Variants in SAMD11 observed in about 807,000 individuals in gnomAD.
SAMD11 encodes the protein sterile alpha motif domain-containing protein 11.
Under a neutral mutation model 64.4 loss-of-function variants are expected in SAMD11, and 77 were observed. The ratio of observed to expected loss-of-function variants is 1.20; its 90% CI spans 0.99 to 1.44. The LOEUF (loss-of-function observed/expected upper bound fraction) is 1.44, where lower values mean the gene tolerates loss of function less well. Among genes scored for constraint, SAMD11 ranks in the 40% most tolerant of loss-of-function variants. The pLI is 0.00. For synonymous variants in SAMD11, 658 were observed against 421.9 expected (o/e 1.56, Z -6.86); for missense variants, 1,402 against 943.3 (o/e 1.49, Z -6.37).
Position 935,897 on chromosome 1 carries a change from G to T in SAMD11, c.967+1G>T. 10 of 1,612,606 alleles carry T rather than the reference G, an allele frequency of 6.2e-6. No homozygotes were observed. The highest frequency in any genetic ancestry group is 7.6e-6 in the Non-Finnish European group (9 of 1,179,638). ...CTGGAGATTGGCCTGCGACCCGCCG[G>T]TGAGGAGCACAGGGGGCCTGAGGGC... is the stretch of plus-strand genomic sequence containing the variant. On this transcript the variant is annotated splice_donor_variant, in intron 5 of 13. Transcript: ENST00000616016. LOFTEE classifies it high-confidence loss of function.
At chr1:943,399 T>C (rs1641932470) in intron 12 of SAMD11, 22 bp downstream of exon 12, 1 of 1,508,894 alleles carries the variant, frequency 6.6e-7, no homozygotes, top group Non-Finnish European at 8.9e-7. Flanking sequence ...CCCCAGTTCC[T>C]GGGGCGGGGC....
At position 939,291 on chromosome 1, in the gene SAMD11, G is replaced by A. The variant is rs148995812; in HGVS notation, c.1074G>A (p.Pro358=). The A allele has an allele frequency of 1.2e-5, 20 of 1,606,946 alleles. No homozygotes were observed. Among genetic ancestry groups the A allele is most frequent in the South Asian group, 6.7e-5 (6 of 89,902 alleles). The change falls in exon 7 of 14, where the codon CCG becomes CCA. Residue 358 remains proline (P), a synonymous_variant. Transcript: ENST00000616016. ...SESPQEALLL[P]RELGPSMAPE... is the part of the protein sequence containing the mutation. ...CCCCAGCAGAGGCGCTGCTGCTGCC[G>A]CGGGAGCTGGGGCCCAGCATGGCCC...
intron 2 of SAMD11, among the ~76,000 whole-genome samples, chr1:926,232 G>C (rs1213857053): frequency 2.0e-5 from 3 of 152,234 alleles, no homozygotes; most frequent in South Asian, 4.1e-4. Flanking sequence ...CGCCCTCCCC[G>C]GTGGAGACAG....
At chr1:937,208 A>G (rs1421549799) in intron 5 of SAMD11, among the ~76,000 whole-genome samples, 1 of 152,076 alleles carries the variant, frequency 6.6e-6, no homozygotes, top group Non-Finnish European at 1.5e-5. Context: ...TGACCCCAGG[A>G]ACCACACATC....
intron 4 of SAMD11, among the ~76,000 whole-genome samples, chr1:935,336 C>CG (rs1641374435): frequency 6.6e-6 from 1 of 152,064 alleles, no homozygotes; most frequent in South Asian, 2.1e-4. Context: ...GTGCAGAAAT[C>CG]GGGGGTCAGG....
chr1:929,092 C>A (rs1641044742), intron 2 of SAMD11, among the ~76,000 whole-genome samples: 1 of 152,202 alleles, frequency 6.6e-6, no homozygotes, highest in Non-Finnish European at 1.5e-5. Context: ...GGAAAATAAT[C>A]AATAACTTTC....
Position 939,314 on chromosome 1 carries a change from C to G in SAMD11, c.1097C>G (p.Ala366Gly). The change falls in exon 7 of 14, where the codon GCC (alanine) becomes GGC (glycine). Residue 366 changes from alanine to glycine, a missense_variant. Transcript: ENST00000616016. ...LLPRELGPSM[A>G]PEDHYRRLVS... Reference sequence around the variant, plus strand: ...CCGCGGGAGCTGGGGCCCAGCATGGCCCCGGAGGACCATTACCGCCGGCTT... The same window carrying G: ...CCGCGGGAGCTGGGGCCCAGCATGGGCCCGGAGGACCATTACCGCCGGCTT... 6.2e-7 allele frequency: 1 copy of G among 1,611,066 alleles called. No homozygotes were observed. Among genetic ancestry groups the G allele is most frequent in the Non-Finnish European group, 8.5e-7 (1 of 1,179,334 alleles).
chr1:927,777 T>G (rs1192108117), intron 2 of SAMD11, among the ~76,000 whole-genome samples: 1 of 152,262 alleles, frequency 6.6e-6, no homozygotes, highest in Non-Finnish European at 1.5e-5. Context: ...ATCTGTGTGC[T>G]GTGGCCGAGG....
At position 942,196 on chromosome 1, in the gene SAMD11, C is replaced by A; in HGVS notation, c.1419C>A (p.Gly473=). 2.9e-6 allele frequency: 4 copies of A among 1,387,078 alleles called. No individual in the cohort carries two copies. The highest frequency in any genetic ancestry group is 1.7e-5 in the South Asian group (1 of 59,704). 85.9% of individuals were successfully genotyped at this position (1,387,078 alleles called of 1,614,324 possible). ...SPQNAPHVAL[G]PHLRPPFLGV... ...AGAATGCCCCTCACGTCGCCCTGGG[C>A]CCCCATCTCAGGCCCCCCTTCCTGG... Residue 473 remains glycine, a synonymous_variant, in exon 9 of 14, where the codon GGC becomes GGA. Coordinates refer to ENST00000616016, the MANE Select transcript of SAMD11 (RefSeq NM_001385641.1).
intron 5 of SAMD11, among the ~76,000 whole-genome samples, chr1:938,096 C>A (rs1359902841): frequency 6.6e-6 from 1 of 151,904 alleles, no homozygotes; most frequent in Non-Finnish European, 1.5e-5. Context: ...GCCTGGGAGA[C>A]CCCCAGGGCG....
At chr1:935,048 G>A (rs559430092) in intron 4 of SAMD11, among the ~76,000 whole-genome samples, 139 of 152,242 alleles carry the variant, frequency 9.1e-4, no homozygotes, top group African/African-American at 3.3e-3. Flanking sequence ...ACGGAACCGG[G>A]AAGGGGTGGA....
chr1:942,293 G>C, intron 9 of SAMD11, 42 bp downstream of exon 9: 2 of 1,033,476 alleles, frequency 1.9e-6, no homozygotes, highest in African/African-American at 1.7e-5. Context: ...CCGCGTGGAG[G>C]CTCGCGGACC....
In SAMD11 at chr1:925,953, G is replaced by T. The variant is rs1349221494; in HGVS notation, c.549G>T (p.Gly183=). Residue 183 remains glycine, a synonymous_variant, in exon 2 of 14, where the codon GGG becomes GGT. Transcript: ENST00000616016. ...GTCTGAAGACGCTTATGTCCAAGGG[G>T]ATCCTGCAGGTGCATCCTCCGATCT... is the stretch of plus-strand genomic sequence containing the variant. ...GKSLKTLMSK[G]ILQVHPPICD... is the part of the protein sequence containing the mutation. 1.2e-6 allele frequency: 2 copies of T among 1,611,966 alleles called. No homozygotes were observed. Among genetic ancestry groups the T allele is most frequent in the Non-Finnish European group, 1.7e-6 (2 of 1,179,920 alleles).
In SAMD11 at chr1:944,043, TC is replaced by T. The variant is rs1641998149; in HGVS notation, c.2430del (p.Tyr811MetfsTer74). On this transcript the variant is annotated frameshift_variant, in exon 14 of 14. Coordinates refer to ENST00000616016, the MANE Select transcript of SAMD11 (RefSeq NM_001385641.1). LOFTEE classifies it low-confidence loss of function (END_TRUNC). ...GCCCTTGTCCCCCACGACGGCCACG[TC>T]CCCCTATGGAGGGGGCCACGCCCTT... ...EQPLSPTTAT[S>X]PYGGGHALAG... is the part of the protein sequence containing the mutation. The T allele has an allele frequency of 7.4e-6, 12 of 1,612,706 alleles. No individual in the cohort carries two copies. Among genetic ancestry groups the T allele is most frequent in the Non-Finnish European group, 1.0e-5 (12 of 1,179,934 alleles).
intron 4 of SAMD11, among the ~76,000 whole-genome samples, chr1:933,750 C>G (rs1237359272): frequency 6.7e-6 from 1 of 148,500 alleles, no homozygotes; most frequent in African/African-American, 2.5e-5. Flanking sequence ...CTGGGGGGGG[C>G]TTCCTTTCCC....
intron 7 of SAMD11, among the ~76,000 whole-genome samples, chr1:940,166 C>T (rs966074744): frequency 1.3e-5 from 2 of 152,184 alleles, no homozygotes; most frequent in African/African-American, 4.8e-5. Flanking sequence ...GAATAATTCA[C>T]CAAATGTTAA....
At chr1:925,477 G>A (rs141034733) in intron 1 of SAMD11, among the ~76,000 whole-genome samples, 2,468 of 152,148 alleles carry the variant, frequency 0.016, 62 homozygotes, top group African/African-American at 0.057. Context: ...CAGGGGGTGC[G>A]GTGAGCGCCA....
In SAMD11 at chr1:943,760, G is replaced by A. The variant is rs1191732138; in HGVS notation, c.2241G>A (p.Leu747=). 1 of 1,611,602 alleles carries A rather than the reference G, an allele frequency of 6.2e-7. No homozygotes were observed. Among genetic ancestry groups the A allele is most frequent in the Non-Finnish European group, 8.5e-7 (1 of 1,179,336 alleles). The change falls in exon 13 of 14, where the codon CTG becomes CTA. Residue 747 remains leucine, a synonymous_variant. Coordinates refer to ENST00000616016, the MANE Select transcript of SAMD11 (RefSeq NM_001385641.1). ...CACTGCTGACGGAGGAGCACCTGCT[G>A]ACCAACATGGGGCTGAAGCTGGGGC... The part of the protein sequence containing the change: ...TLPLLTEEHL[L]TNMGLKLGPA...
chr1:930,993 C>T, intron 3 of SAMD11, 46 bp from the exon 4 acceptor site: 1 of 1,592,754 alleles, frequency 6.3e-7, no homozygotes, highest in Non-Finnish European at 8.6e-7. Flanking sequence ...AGGCTGGGGT[C>T]AGGGGCCTCC....
Sources: allele counts gnomAD v4.1 joint callset (sites outside exome capture counted in the v4.1 genomes callset), GRCh38; gene constraint gnomAD v4.1.1; transcripts MANE v1.5; gene names NCBI Gene and HGNC (gene_info 2026-07-23, HGNC 2026-07-21).